The following EXOC4 variants were observed in gnomAD, a reference collection of about 807,000 sequenced individuals.
EXOC4 encodes the protein SEC8-like 1.
In EXOC4, 71 loss-of-function variants were observed where a neutral mutation model predicts 107.2. That is an observed-to-expected ratio of 0.66 (90% CI 0.55 to 0.81). EXOC4 has a LOEUF of 0.81. Among genes scored for constraint, EXOC4 ranks in the 30% least tolerant of loss-of-function variants. The probability of loss-of-function intolerance (pLI) is 0.00; values close to 1 mark genes in which losing one functional copy is unlikely to be tolerated. For missense variants in EXOC4, 1,108 were observed against 1,189.6 expected (o/e 0.93, Z 1.01); for synonymous variants, 456 against 441.2 (o/e 1.03, Z -0.42).
intron 10 of EXOC4, among the ~76,000 whole-genome samples, chr7:133,743,319 C>T (rs973534145): frequency 1.3e-5 from 2 of 152,182 alleles, no homozygotes; most frequent in South Asian, 2.1e-4. Flanking sequence ...GGGCCTGGGT[C>T]GTGTTTGACT....
intron 14 of EXOC4, among the ~76,000 whole-genome samples, chr7:133,983,777 G>A (rs1453209078): frequency 6.6e-6 from 1 of 152,018 alleles, no homozygotes; most frequent in Non-Finnish European, 1.5e-5. Flanking sequence ...TTGATGCAGG[G>A]TTTTACAGAA....
rs71172425 is a variant in EXOC4, at chr7:134,051,671, CA to C, written c.2688-12599del. ...TGGGAGACAGAGCGAGACTCCGTCT[CA>C]AAAAAAAAAAAAAAAAAAAACTTGG... On this transcript the variant is annotated intron_variant, in intron 17 of 17. Transcript: ENST00000253861. Among the ~76,000 whole-genome samples, 25 of 107,744 alleles carry C rather than the reference CA, an allele frequency of 2.3e-4. 1 individual carries two copies. Among genetic ancestry groups the C allele is most frequent in the South Asian group, 3.2e-4 (1 of 3,110 alleles). The allele number at this position is 107,744 out of a possible 152,430, so 70.7% of individuals were successfully genotyped here.
intron 17 of EXOC4, among the ~76,000 whole-genome samples, chr7:134,027,594 G>A (rs2116457258): frequency 6.7e-6 from 1 of 149,744 alleles, no homozygotes; most frequent in East Asian, 2.0e-4. Flanking sequence ...GGAGGTGGAG[G>A]TCGCAGTGAG....
At chr7:133,587,982 C>T (rs1801446458) in intron 9 of EXOC4, among the ~76,000 whole-genome samples, 2 of 152,134 alleles carry the variant, frequency 1.3e-5, no homozygotes, top group African/African-American at 4.8e-5. Flanking sequence ...TGCCTGAGCT[C>T]TAAGCAAAGT....
intron 16 of EXOC4, among the ~76,000 whole-genome samples, chr7:134,005,751 A>G (rs113879991): frequency 1.5e-3 from 229 of 152,328 alleles, no homozygotes; most frequent in Non-Finnish European, 2.8e-3. Context: ...GTTTGTTTGT[A>G]TGAAAACTTG....
Position 133,764,429 on chromosome 7 carries a change from G to T in EXOC4, c.1515-52896G>T, listed in dbSNP as rs560964901. On this transcript the variant is annotated intron_variant, in intron 10 of 17. Transcript: ENST00000253861. Reference sequence around the variant, plus strand: ...ATGAATATTTTATGATGGCGTCTCTGTTGAGGGATGAATCCATTCCCCTCC... The same window carrying T: ...ATGAATATTTTATGATGGCGTCTCTTTTGAGGGATGAATCCATTCCCCTCC... Among the ~76,000 whole-genome samples, 20 of 152,110 alleles carry T rather than the reference G, an allele frequency of 1.3e-4. No individual in the cohort carries two copies. The East Asian group carries it at 3.5e-3, about 27-fold the overall frequency.
chr7:133,717,399 G>C (rs1795020250), intron 10 of EXOC4, among the ~76,000 whole-genome samples: 2 of 152,156 alleles, frequency 1.3e-5, no homozygotes, highest in South Asian at 4.1e-4. Flanking sequence ...ATCCATTAGA[G>C]CACTACTAGA....
intron 4 of EXOC4, among the ~76,000 whole-genome samples, chr7:133,306,701 TAAAA>T (rs528333685): frequency 1.2e-3 from 172 of 144,928 alleles, no homozygotes; most frequent in African/African-American, 4.2e-3. Flanking sequence ...CCTGGTCTCT[TAAAA>T]AAAAAAAAGA....
chr7:133,888,936 T>C (rs1015429930), intron 11 of EXOC4, among the ~76,000 whole-genome samples: 16 of 152,356 alleles, frequency 1.1e-4, no homozygotes, highest in Non-Finnish European at 1.6e-4. Context: ...GTGCTTATCA[T>C]TGTACTTTGC....
At chr7:133,600,257 A>G (rs1025178472) in intron 9 of EXOC4, among the ~76,000 whole-genome samples, 4 of 152,034 alleles carry the variant, frequency 2.6e-5, no homozygotes, top group African/African-American at 9.7e-5. Context: ...TTTATTTTCA[A>G]CCACCAACCA....
At chr7:133,976,197 CAGAT>C (rs1157238198) in intron 14 of EXOC4, among the ~76,000 whole-genome samples, 1 of 152,118 alleles carries the variant, frequency 6.6e-6, no homozygotes, top group Non-Finnish European at 1.5e-5. Flanking sequence ...GAACATCAAA[CAGAT>C]AGGTCCACAG....
intron 9 of EXOC4, among the ~76,000 whole-genome samples, chr7:133,485,459 C>T (rs1473487002): frequency 2.0e-5 from 3 of 152,082 alleles, no homozygotes; most frequent in African/African-American, 7.2e-5. Flanking sequence ...CAAGACCAAG[C>T]TTCACTCAGT....
intron 1 of EXOC4, among the ~76,000 whole-genome samples, chr7:133,263,844 C>T (rs1463132754): frequency 6.6e-6 from 1 of 152,002 alleles, no homozygotes; most frequent in Non-Finnish European, 1.5e-5. Flanking sequence ...GCTATATATT[C>T]TTTATGTCCT....
intron 11 of EXOC4, among the ~76,000 whole-genome samples, chr7:133,872,807 AT>A (rs1239308792): frequency 6.6e-6 from 1 of 152,242 alleles, no homozygotes; most frequent in Non-Finnish European, 1.5e-5. Flanking sequence ...GAACAATTTC[AT>A]TTAACACTTT....
intron 16 of EXOC4, among the ~76,000 whole-genome samples, chr7:134,006,532 G>T (rs997350170): frequency 1.8e-4 from 28 of 152,112 alleles, no homozygotes; most frequent in African/African-American, 6.0e-4. Context: ...AGACCTGAAT[G>T]CATCTCCTCC....
intron 10 of EXOC4, among the ~76,000 whole-genome samples, chr7:133,709,267 G>A (rs1794832936): frequency 6.6e-6 from 1 of 152,206 alleles, no homozygotes; most frequent in South Asian, 2.1e-4. Context: ...AGATTTTGTG[G>A]AGGAATAGGA....
chr7:133,387,083 G>T (rs1254550945), intron 7 of EXOC4, among the ~76,000 whole-genome samples: 2 of 152,102 alleles, frequency 1.3e-5, no homozygotes, highest in African/African-American at 4.8e-5. Flanking sequence ...AATTAGAATG[G>T]CCTGTGGACC....
At chr7:133,477,150 A>G (rs1266609978) in intron 8 of EXOC4, among the ~76,000 whole-genome samples, 1 of 152,204 alleles carries the variant, frequency 6.6e-6, no homozygotes, top group African/African-American at 2.4e-5. Context: ...TTGATGAACC[A>G]GTATTGAGAT....
chr7:133,344,311 T>C (rs1040551698), intron 5 of EXOC4, among the ~76,000 whole-genome samples: 4 of 152,182 alleles, frequency 2.6e-5, no homozygotes, highest in Non-Finnish European at 4.4e-5. Context: ...TTCATGGTTG[T>C]TTTGTTGAAG....
Sources: allele counts gnomAD v4.1 joint callset (sites outside exome capture counted in the v4.1 genomes callset), GRCh38; gene constraint gnomAD v4.1.1; transcripts MANE v1.5; gene names NCBI Gene and HGNC (gene_info 2026-07-23, HGNC 2026-07-21).